RAB7B: variants seen among roughly 807,000 people sequenced by gnomAD.
RAB7B encodes the protein RAB7B, member RAS oncogene family.
intron 4 of RAB7B, among the ~76,000 whole-genome samples, chr1:205,991,162 GA>G (rs1425792658): frequency 2.0e-5 from 3 of 152,196 alleles, no homozygotes; most frequent in Non-Finnish European, 4.4e-5. Flanking sequence ...GACAGGGTCT[GA>G]AACCAGAATT....
intron 5 of RAB7B, among the ~76,000 whole-genome samples, chr1:205,982,928 G>A (rs904785520): frequency 3.7e-3 from 565 of 152,316 alleles, no homozygotes; most frequent in African/African-American, 0.013. Context: ...CTATGCCCTA[G>A]TTAAGTGTGT....
At position 205,992,832 on chromosome 1, in the gene RAB7B, C is replaced by T. The variant is rs1165054611; in HGVS notation, c.181-137G>A. The stretch of plus-strand genomic sequence containing the variant: ...GGTACAGGTGCATATGGTTCTTTCA[C>T]ACCGTGGCACGTTGACCCTCCCACC... On this transcript the variant is annotated intron_variant, in intron 3 of 5. Coordinates refer to ENST00000617070, the MANE Select transcript of RAB7B (RefSeq NM_001164522.3). 6.9e-4 allele frequency: 275 copies of T among 397,214 alleles called. 2 individuals carry two copies. The East Asian group carries it at 9.6e-3, about 14-fold the overall frequency. The allele number at this position is 397,214 out of a possible 1,614,324, so 24.6% of individuals were successfully genotyped here.
chr1:206,002,497 G>A (rs1367425063), intron 1 of RAB7B, among the ~76,000 whole-genome samples: 1 of 152,230 alleles, frequency 6.6e-6, no homozygotes, highest in Non-Finnish European at 1.5e-5. Context: ...GGCACAGGCA[G>A]TGCATGCTTA....
At chr1:205,989,175 A>C (rs1660674066) in intron 4 of RAB7B, among the ~76,000 whole-genome samples, 2 of 149,046 alleles carry the variant, frequency 1.3e-5, no homozygotes, top group African/African-American at 5.0e-5. Context: ...CTCTCCAGGG[A>C]CCTCCCTGTC....
At position 205,978,823 on chromosome 1, in the gene RAB7B, C is replaced by G. The variant is rs1660433693; in HGVS notation, c.*28G>C. ...ACCAGGCTCGGGGCAGGCTCTGTTT[C>G]TGGGCTTCCAGAGCAGGCGTCTGGA... is the stretch of plus-strand genomic sequence containing the variant. On this transcript the variant is annotated 3_prime_UTR_variant, in exon 6 of 6. Coordinates refer to ENST00000617070, the MANE Select transcript of RAB7B (RefSeq NM_001164522.3). 1 of 398,602 alleles carries G rather than the reference C, an allele frequency of 2.5e-6. No homozygotes were observed. Among genetic ancestry groups the G allele is most frequent in the South Asian group, 1.3e-4 (1 of 7,870 alleles). 24.7% of individuals were successfully genotyped at this position (398,602 alleles called of 1,614,324 possible).
chr1:206,003,064 T>C (rs1660914041), intron 1 of RAB7B, among the ~76,000 whole-genome samples, 189 bp downstream of exon 1: 1 of 152,190 alleles, frequency 6.6e-6, no homozygotes, highest in Non-Finnish European at 1.5e-5. Flanking sequence ...AGGGAAGTCT[T>C]TTCTTGCTGC....
Position 205,992,566 on chromosome 1 carries a change from C to A in RAB7B, c.310G>T (p.Gly104Cys), listed in dbSNP as rs1000244978. The A allele has an allele frequency of 5.0e-6, 2 of 398,736 alleles. No individual in the cohort carries two copies. The highest frequency in any genetic ancestry group is 8.8e-6 in the Non-Finnish European group (2 of 226,132). The allele number at this position is 398,736 out of a possible 1,614,324, so 24.7% of individuals were successfully genotyped here. Reference protein sequence around the residue: ...ESFEALDIWRGDVLAKIVPME... With the variant: ...ESFEALDIWRCDVLAKIVPME... ...GGGACAATCTTGGCCAGGACATCAC[C>A]CCGCCAGATATCCAGGGCTTCAAAA... Residue 104 changes from glycine to cysteine, a missense_variant, in exon 4 of 6, where the codon GGT becomes TGT. Transcript: ENST00000617070.
intron 4 of RAB7B, among the ~76,000 whole-genome samples, chr1:205,990,773 C>T: frequency 7.2e-6 from 1 of 139,084 alleles, no homozygotes; most frequent in East Asian, 2.2e-4. Context: ...GAGTGCAAGA[C>T]TGTCTTTTTC....
At chr1:205,990,791 C>CTTTTTTTT (rs1188419083) in intron 4 of RAB7B, among the ~76,000 whole-genome samples, 1 of 138,636 alleles carries the variant, frequency 7.2e-6, no homozygotes, top group Non-Finnish European at 1.5e-5. Flanking sequence ...TTCTTTCTTT[C>CTTTTTTTT]TTTTTTTTTT....
At chr1:205,983,081 C>T (rs1660524637) in intron 5 of RAB7B, among the ~76,000 whole-genome samples, 1 of 152,184 alleles carries the variant, frequency 6.6e-6, no homozygotes, top group African/African-American at 2.4e-5. Context: ...AGGCGTGGGC[C>T]TGTGGTATGG....
chr1:205,984,561 C>T (rs1558142896), intron 5 of RAB7B, among the ~76,000 whole-genome samples: 1 of 152,178 alleles, frequency 6.6e-6, no homozygotes, highest in Non-Finnish European at 1.5e-5. Context: ...TGAGCCCCTC[C>T]CCATGCCAAT....
rs1660749031 is a variant in RAB7B at position 205,992,864 on chromosome 1, C to T, written c.181-169G>A. Among the ~76,000 whole-genome samples, 3 of 152,360 alleles carry T rather than the reference C, an allele frequency of 2.0e-5. No individual in the cohort carries two copies. The South Asian group carries it at 6.2e-4, about 32-fold the overall frequency. On this transcript the variant is annotated intron_variant, in intron 3 of 5. Coordinates refer to ENST00000617070, the MANE Select transcript of RAB7B (RefSeq NM_001164522.3). ...GCACGTTGACCCTCCCACCCACATA[C>T]ACTCCAGCACCTTTGTGGTAACATT... is the stretch of plus-strand genomic sequence containing the variant.
chr1:205,985,843 A>ATCCCCACCAGGCCCACCAGGC (rs1571792894), intron 4 of RAB7B, among the ~76,000 whole-genome samples, 178 bp from the exon 5 acceptor site: 5 of 149,532 alleles, frequency 3.3e-5, no homozygotes, highest in Admixed American at 1.3e-4. Flanking sequence ...CAGGCCCACC[A>ATCCCCACCAGGCCCACCAGGC]CCACTCCCAT....
intron 4 of RAB7B, among the ~76,000 whole-genome samples, chr1:205,991,903 T>A (rs1660727685): frequency 6.6e-6 from 1 of 152,222 alleles, no homozygotes; most frequent in East Asian, 1.9e-4. Context: ...GTCACTGTAG[T>A]CATGGAGCAG....
rs920785311 is a variant in RAB7B, at chr1:206,000,384, G to A, written c.-17+2869C>T. The stretch of plus-strand genomic sequence containing the variant: ...GATGGCAGCCCAAAGCAATTTGAGC[G>A]TGATTTTCAGATAGGACAAATTACT... On this transcript the variant is annotated intron_variant, in intron 1 of 5. Coordinates refer to ENST00000617070, the MANE Select transcript of RAB7B (RefSeq NM_001164522.3). Among the ~76,000 whole-genome samples, 345 of 152,340 alleles carry A rather than the reference G, an allele frequency of 2.3e-3. 1 individual carries two copies. Among genetic ancestry groups the A allele is most frequent in the African/African-American group, 7.8e-3 (324 of 41,574 alleles).
chr1:205,992,935 T>G (rs1391720295), intron 3 of RAB7B, among the ~76,000 whole-genome samples: 1 of 152,336 alleles, frequency 6.6e-6, no homozygotes, highest in East Asian at 1.9e-4. Context: ...ATTTTTCCTC[T>G]GGGTCATCAA....
intron 1 of RAB7B, among the ~76,000 whole-genome samples, chr1:205,996,651 A>G (rs1185271718): frequency 6.6e-6 from 1 of 152,144 alleles, no homozygotes; most frequent in Non-Finnish European, 1.5e-5. Flanking sequence ...CCCTTCATGA[A>G]CCATGTCATG....
intron 1 of RAB7B, among the ~76,000 whole-genome samples, chr1:205,996,744 C>T (rs1461093156): frequency 6.6e-6 from 1 of 152,164 alleles, no homozygotes; most frequent in Non-Finnish European, 1.5e-5. Context: ...ATTGGTTCCG[C>T]ATGGCTGGGG....
At chr1:205,984,614 C>T (rs1182983921) in intron 5 of RAB7B, among the ~76,000 whole-genome samples, 6 of 152,268 alleles carry the variant, frequency 3.9e-5, no homozygotes, top group South Asian at 2.1e-4. Context: ...GTTAAAACCA[C>T]GCCACTGCTT....
Sources: allele counts gnomAD v4.1 joint callset (sites outside exome capture counted in the v4.1 genomes callset), GRCh38; gene constraint gnomAD v4.1.1; transcripts MANE v1.5; gene names NCBI Gene and HGNC (gene_info 2026-07-23, HGNC 2026-07-21).